The following JCAD variants were observed in gnomAD, a reference collection of about 807,000 sequenced individuals.
The protein encoded by JCAD is junctional cadherin 5 associated, also known as junctional cadherin 5-associated protein.
Under a neutral mutation model 98.0 loss-of-function variants are expected in JCAD, and 40 were observed. That is an observed-to-expected ratio of 0.41 (90% confidence interval 0.32 to 0.53). JCAD has a LOEUF of 0.53. JCAD is among the 20% of genes least tolerant of loss of function. The pLI, the probability that JCAD is intolerant of heterozygous loss-of-function variation, is 0.31. For missense variants in JCAD, 1,705 were observed against 1,738.1 expected, an observed-to-expected ratio of 0.98 and a Z score of 0.34; for synonymous variants, 691 against 682.3, an observed-to-expected ratio of 1.01 and a Z score of -0.20.
At chr10:30,052,821 G>A (rs1257004082) in intron 1 of JCAD, among the ~76,000 whole-genome samples, 2 of 152,084 alleles carry the variant, frequency 1.3e-5, no homozygotes, top group Non-Finnish European at 2.9e-5. Flanking sequence ...CTAAAGGTTA[G>A]GACTGGCAAA....
intron 1 of JCAD, among the ~76,000 whole-genome samples, chr10:30,095,075 C>A (rs980447141): frequency 1.3e-5 from 2 of 152,108 alleles, no homozygotes; most frequent in African/African-American, 4.8e-5. Context: ...CCTTTGGTCA[C>A]CTCATCCTTT....
rs373784122 is a variant in JCAD at position 30,027,646 on chromosome 10, C to T, written c.2502G>A (p.Gln834=). ...VSRRPWDLIS[Q]LESFNKELQE... ...GGAGCTCCTTGTTAAAACTTTCTAA[C>T]TGACTGATCAAATCCCAGGGACGAC... Residue 834 remains glutamine, a synonymous_variant, in exon 3 of 4, where the codon CAG becomes CAA. Coordinates refer to ENST00000375377, the MANE Select transcript of JCAD (RefSeq NM_020848.4). 70 of 1,614,130 alleles carry T rather than the reference C, an allele frequency of 4.3e-5. No homozygotes were observed. In the African/African-American group the frequency reaches 6.9e-4, roughly 16 times the overall value.
At chr10:30,063,834 G>T (rs1837741966), upstream of JCAD, among the ~76,000 whole-genome samples, 1 of 151,402 alleles carries the variant, frequency 6.6e-6, no homozygotes, top group Admixed American at 6.6e-5. Context: ...TCAAGATGGA[G>T]TCTTGCTCTG....
rs1253054094 is a variant in JCAD at position 30,092,047 on chromosome 10, AAAAAAAAAAAAAAAAAAAT to A, written n.129-22245_129-22227del. 1.0e-4 allele frequency among the ~76,000 whole-genome samples: 4 copies of A among 39,686 alleles called. 1 individual carries two copies. Among genetic ancestry groups the A allele is most frequent in the African/African-American group, 3.5e-4 (2 of 5,708 alleles). The allele number at this position is 39,686 out of a possible 152,430, so 26.0% of individuals were successfully genotyped here. A position where few individuals can be genotyped will look rare whatever the true frequency, so the allele number is the denominator to read the frequency against. Reference sequence around the variant, plus strand: ...CATCCCCCACCACAAAAAAAAAAAAAAAAAAAAAAAAAAAAAAATATATATATATATATATATATATAAA... The same window carrying A: ...CATCCCCCACCACAAAAAAAAAAAAAATATATATATATATATATATATAAA... On this transcript the variant is annotated intron_variant and non_coding_transcript_variant, in intron 1 of 2. Coordinates refer to the JCAD transcript ENST00000465712.
At chr10:30,038,594 G>C (rs1837170602) in intron 2 of JCAD, among the ~76,000 whole-genome samples, 1 of 151,214 alleles carries the variant, frequency 6.6e-6, no homozygotes, top group South Asian at 2.1e-4. Flanking sequence ...AGATGAGCGG[G>C]AGGATTGCTT....
upstream of JCAD, among the ~76,000 whole-genome samples, chr10:30,062,350 G>A (rs1054882591): frequency 6.6e-6 from 1 of 152,110 alleles, no homozygotes; most frequent in Admixed American, 6.5e-5. Context: ...CAGTACTGAT[G>A]TATCCCTAGC....
At chr10:30,043,209 C>A (rs569905597) in intron 2 of JCAD, among the ~76,000 whole-genome samples, 1 of 152,126 alleles carries the variant, frequency 6.6e-6, no homozygotes, top group Non-Finnish European at 1.5e-5. Context: ...AAGCAACAGC[C>A]CCCTCAGCAC....
intron 3 of JCAD, among the ~76,000 whole-genome samples, chr10:30,023,753 C>T (rs974994922): frequency 7.2e-5 from 11 of 151,786 alleles, no homozygotes; most frequent in Admixed American, 2.0e-4. Context: ...AACCCAAAAA[C>T]GTCATGAGGG....
At chr10:30,048,121 G>A (rs537067699) in intron 1 of JCAD, among the ~76,000 whole-genome samples, 1 of 152,312 alleles carries the variant, frequency 6.6e-6, no homozygotes, top group African/African-American at 2.4e-5. Flanking sequence ...TTCGATGGCT[G>A]CCTCTGGTAG....
chr10:30,026,111 C>A lies in JCAD; in HGVS notation c.4037G>T (p.Trp1346Leu). The change falls in exon 3 of 4, where the codon TGG (tryptophan) becomes TTG (leucine). Residue 1346 changes from tryptophan to leucine, a missense_variant. Physicochemically the swap from Trp to Leu is moderately conservative, Grantham distance 61. Transcript: ENST00000375377. ...TCTGCCTGATTCCTCACCTGGGCAC[C>A]AGAAGTCTTGATCCATGCTCTTCTC... ...QKEKSMDQDF[W>L]CPDSYDPSRV... 6.2e-7 allele frequency: 1 copy of A among 1,614,150 alleles called. No individual in the cohort carries two copies. Among genetic ancestry groups the A allele is most frequent in the Non-Finnish European group, 8.5e-7 (1 of 1,180,018 alleles).
chr10:30,088,001 C>CAGCT (rs974073498), intron 1 of JCAD, among the ~76,000 whole-genome samples: 1 of 152,174 alleles, frequency 6.6e-6, no homozygotes, highest in African/African-American at 2.4e-5. Context: ...CCACCACACC[C>CAGCT]AGCTAATCTT....
chr10:30,097,291 G>A (rs1036131240), intron 1 of JCAD, among the ~76,000 whole-genome samples: 8 of 152,140 alleles, frequency 5.3e-5, no homozygotes, highest in East Asian at 3.8e-4. Flanking sequence ...ATACCAGCTG[G>A]TGCTTACTCT....
intron 1 of JCAD, among the ~76,000 whole-genome samples, chr10:30,108,702 G>C (rs970768288): frequency 6.6e-6 from 1 of 152,272 alleles, no homozygotes; most frequent in East Asian, 1.9e-4. Flanking sequence ...CGTGGGAGGA[G>C]ATTTCAGCCA....
intron 2 of JCAD, among the ~76,000 whole-genome samples, chr10:30,033,725 A>T (rs1387417404): frequency 6.6e-6 from 1 of 152,180 alleles, no homozygotes; most frequent in African/African-American, 2.4e-5. Flanking sequence ...TGAAACTGGG[A>T]GGTGCAAGGC....
At chr10:30,041,645 G>A (rs765352494) in intron 2 of JCAD, among the ~76,000 whole-genome samples, 5 of 152,082 alleles carry the variant, frequency 3.3e-5, no homozygotes, top group Non-Finnish European at 5.9e-5. Flanking sequence ...TACAACTGCC[G>A]CTGATGACAG....
intron 1 of JCAD, among the ~76,000 whole-genome samples, chr10:30,106,147 G>A (rs1296314807): frequency 6.6e-6 from 1 of 152,108 alleles, no homozygotes. Flanking sequence ...TGCAGGCTGG[G>A]GGCATTGGCT....
intron 1 of JCAD, among the ~76,000 whole-genome samples, chr10:30,078,063 C>G (rs61841135): frequency 6.6e-6 from 1 of 152,200 alleles, no homozygotes; most frequent in Non-Finnish European, 1.5e-5. Flanking sequence ...CTCCATATCC[C>G]TGCCAATATT....
At chr10:30,111,532 T>C (rs539546272) in intron 1 of JCAD, among the ~76,000 whole-genome samples, 39 of 152,336 alleles carry the variant, frequency 2.6e-4, no homozygotes, top group African/African-American at 9.4e-4. Context: ...TCTGTCTTCA[T>C]GAGGCTTTCA....
chr10:30,044,901 G>A (rs1837305465), intron 2 of JCAD: 1 of 516,276 alleles, frequency 1.9e-6, no homozygotes, highest in South Asian at 8.5e-5. Flanking sequence ...CACTGGCAGG[G>A]ATGTCTGCAA....
Sources: allele counts gnomAD v4.1 joint callset (sites outside exome capture counted in the v4.1 genomes callset), GRCh38; gene constraint gnomAD v4.1.1; transcripts MANE v1.5; gene names NCBI Gene and HGNC (gene_info 2026-07-23, HGNC 2026-07-21).